The following GALNTL6 variants were observed in gnomAD, a reference collection of about 807,000 sequenced individuals.
The protein encoded by GALNTL6 is polypeptide N-acetylgalactosaminyltransferase like 6, also known as polypeptide N-acetylgalactosaminyltransferase-like 6.
A neutral mutation model predicts 73.7 loss-of-function variants in GALNTL6; 46 were observed. The observed-to-expected ratio is 0.62, with a 90% CI of 0.49 to 0.80. The LOEUF is 0.80. GALNTL6 is among the 30% of genes least tolerant of loss of function. The pLI, the probability that GALNTL6 is intolerant of heterozygous loss-of-function variation, is 0.00. For synonymous variants in GALNTL6, 259 were observed against 263.7 expected, an observed-to-expected ratio of 0.98 and a Z score of 0.17; for missense variants, 604 against 755.0, an observed-to-expected ratio of 0.80 and a Z score of 2.34.
At chr4:172,628,188 C>T (rs1030564903) in intron 5 of GALNTL6, among the ~76,000 whole-genome samples, 18 of 152,080 alleles carry the variant, frequency 1.2e-4, no homozygotes, top group East Asian at 5.8e-4. Context: ...CTTGTGACTA[C>T]TTAGTTGGTT....
intron 2 of GALNTL6, among the ~76,000 whole-genome samples, chr4:172,132,269 T>A (rs1733517668): frequency 6.6e-6 from 1 of 152,150 alleles, no homozygotes; most frequent in Admixed American, 6.5e-5. Flanking sequence ...AAATTTTCTT[T>A]ATATCAGTGG....
chr4:171,902,514 T>C (rs747634412), intron 2 of GALNTL6, among the ~76,000 whole-genome samples: 4 of 152,112 alleles, frequency 2.6e-5, no homozygotes, highest in African/African-American at 2.4e-5. Context: ...AATCAACAAT[T>C]GATGTTTTGA....
chr4:172,319,267 A>G (rs1332724330), intron 4 of GALNTL6, among the ~76,000 whole-genome samples: 1 of 152,214 alleles, frequency 6.6e-6, no homozygotes, highest in Non-Finnish European at 1.5e-5. Flanking sequence ...AGTGGCATTA[A>G]TAAATGTGAT....
chr4:172,340,057 T>A (rs1290353242), intron 4 of GALNTL6, among the ~76,000 whole-genome samples: 1 of 152,232 alleles, frequency 6.6e-6, no homozygotes, highest in East Asian at 1.9e-4. Context: ...AAATTAAGTA[T>A]CTTTGTCTTG....
chr4:172,956,629 T>A (rs1011405651), intron 10 of GALNTL6, among the ~76,000 whole-genome samples: 1 of 152,104 alleles, frequency 6.6e-6, no homozygotes, highest in Admixed American at 6.5e-5. Flanking sequence ...TGGGGCACAG[T>A]CCAAGTTGGT....
chr4:172,605,654 G>A (rs912886286), intron 5 of GALNTL6, among the ~76,000 whole-genome samples: 1 of 152,036 alleles, frequency 6.6e-6, no homozygotes, highest in Non-Finnish European at 1.5e-5. Context: ...AGGGAGACAG[G>A]GTTCAGGAAA....
chr4:172,815,117 T>A (rs960067903), intron 7 of GALNTL6, among the ~76,000 whole-genome samples: 4 of 152,174 alleles, frequency 2.6e-5, no homozygotes, highest in Non-Finnish European at 5.9e-5. Flanking sequence ...AAGGCAACCA[T>A]CTGAAAGTCT....
At chr4:172,088,295 T>C (rs1376778541) in intron 2 of GALNTL6, among the ~76,000 whole-genome samples, 1 of 152,206 alleles carries the variant, frequency 6.6e-6, no homozygotes, top group African/African-American at 2.4e-5. Flanking sequence ...TTATTAGCCC[T>C]CTTCATCATA....
At chr4:172,435,669 C>A (rs1191063767) in intron 5 of GALNTL6, among the ~76,000 whole-genome samples, 1 of 152,044 alleles carries the variant, frequency 6.6e-6, no homozygotes, top group Non-Finnish European at 1.5e-5. Context: ...GAACAAGTAT[C>A]TTTCATAATT....
chr4:172,092,565 T>C (rs1232401306), intron 2 of GALNTL6, among the ~76,000 whole-genome samples: 1 of 152,114 alleles, frequency 6.6e-6, no homozygotes, highest in Non-Finnish European at 1.5e-5. Context: ...TTTAGAGCAT[T>C]TGATCAAAAT....
intron 11 of GALNTL6, among the ~76,000 whole-genome samples, chr4:173,021,158 T>C (rs943644757): frequency 6.6e-6 from 1 of 152,168 alleles, no homozygotes; most frequent in Non-Finnish European, 1.5e-5. Flanking sequence ...GTCCTCTTAC[T>C]CGTTCTCCTT....
intron 2 of GALNTL6, among the ~76,000 whole-genome samples, chr4:172,113,557 T>C (rs140360038): frequency 2.6e-5 from 4 of 152,178 alleles, no homozygotes; most frequent in African/African-American, 7.2e-5. Flanking sequence ...TTTTTAAACA[T>C]TTTGTCATTT....
chr4:172,586,325 G>C (rs1247212179), intron 5 of GALNTL6, among the ~76,000 whole-genome samples: 1 of 152,146 alleles, frequency 6.6e-6, no homozygotes, highest in Admixed American at 6.6e-5. Context: ...ACATGAAACA[G>C]TTGTAAGCTG....
chr4:172,449,692 T>C (rs1732143299), intron 5 of GALNTL6, among the ~76,000 whole-genome samples: 1 of 152,204 alleles, frequency 6.6e-6, no homozygotes, highest in African/African-American at 2.4e-5. Flanking sequence ...ATAGTGTGAT[T>C]CCCAGGAATT....
chr4:172,078,147 G>T (rs900642847), intron 2 of GALNTL6, among the ~76,000 whole-genome samples: 2 of 152,188 alleles, frequency 1.3e-5, no homozygotes, highest in Non-Finnish European at 2.9e-5. Flanking sequence ...TCTGCTTCAA[G>T]AGTGGAGCCC....
intron 5 of GALNTL6, among the ~76,000 whole-genome samples, chr4:172,553,725 CT>C: frequency 6.6e-6 from 1 of 152,194 alleles, no homozygotes; most frequent in East Asian, 1.9e-4. Context: ...TGCAACATAT[CT>C]CTTATCTCCT....
At chr4:172,152,487 A>C (rs1734132361) in intron 2 of GALNTL6, among the ~76,000 whole-genome samples, 1 of 152,206 alleles carries the variant, frequency 6.6e-6, no homozygotes, top group African/African-American at 2.4e-5. Flanking sequence ...CTCCCTGGAG[A>C]CAACTGCATT....
chr4:172,701,807 A>G (rs899528836), intron 5 of GALNTL6, among the ~76,000 whole-genome samples: 37 of 152,106 alleles, frequency 2.4e-4, no homozygotes, highest in Admixed American at 2.4e-3. Flanking sequence ...TGGGTAATGG[A>G]TTCATAAGTG....
intron 8 of GALNTL6, among the ~76,000 whole-genome samples, chr4:172,930,039 G>T (rs544117416): frequency 7.2e-5 from 11 of 152,172 alleles, no homozygotes; most frequent in Non-Finnish European, 1.6e-4. Context: ...CACTTTAGGA[G>T]GCCGAGGTGG....
Sources: allele counts gnomAD v4.1 joint callset (sites outside exome capture counted in the v4.1 genomes callset), GRCh38; gene constraint gnomAD v4.1.1; transcripts MANE v1.5; gene names NCBI Gene and HGNC (gene_info 2026-07-23, HGNC 2026-07-21).